Variants in VSTM4 observed in about 807,000 individuals in gnomAD.
The protein encoded by VSTM4 is V-set and transmembrane domain-containing protein 4.
A neutral mutation model predicts 36.4 loss-of-function variants in VSTM4; 20 were observed. That is an observed-to-expected ratio of 0.55 (90% CI 0.39 to 0.80). The LOEUF (loss-of-function observed/expected upper bound fraction) is 0.80, where lower values mean the gene tolerates loss of function less well. Among genes scored for constraint, VSTM4 ranks in the 30% least tolerant of loss-of-function variants. The pLI, the probability that VSTM4 is intolerant of heterozygous loss-of-function variation, is 0.00. For synonymous variants in VSTM4, 182 were observed against 173.9 expected (o/e 1.05, Z -0.37); for missense variants, 392 against 404.5 (o/e 0.97, Z 0.26).
chr10:49,090,545 A>C (rs1844454121), intron 2 of VSTM4, among the ~76,000 whole-genome samples: 1 of 152,132 alleles, frequency 6.6e-6, no homozygotes. Context: ...GGGAGGAGAA[A>C]TGAGACTTCC....
At chr10:49,070,398 T>C (rs1278371655) in intron 4 of VSTM4, among the ~76,000 whole-genome samples, 2 of 144,442 alleles carry the variant, frequency 1.4e-5, no homozygotes, top group African/African-American at 5.4e-5. Flanking sequence ...TTTTACCTTT[T>C]TGAATGTGAC....
In VSTM4 at chr10:49,087,980, TAA is replaced by T. The variant is rs1004121355; in HGVS notation, c.458-1959_458-1958del. 3.2e-4 allele frequency among the ~76,000 whole-genome samples: 42 copies of T among 132,284 alleles called. No homozygotes were observed. In the East Asian group the frequency reaches 8.2e-3, roughly 26 times the overall value. The allele number at this position is 132,284 out of a possible 152,430, so 86.8% of individuals were successfully genotyped here. A position where few individuals can be genotyped will look rare whatever the true frequency, so the allele number is the denominator to read the frequency against. On this transcript the variant is annotated intron_variant, in intron 2 of 7. Transcript: ENST00000332853. ...ATATATATGTGTATATATACATATGTAATATATATGTGTATATACACATGTAA... is the reference window on the plus strand; with the variant it reads ...ATATATATGTGTATATATACATATGTTATATATGTGTATATACACATGTAA...
At chr10:49,095,790 A>G (rs533541053) in intron 2 of VSTM4, among the ~76,000 whole-genome samples, 255 of 149,630 alleles carry the variant, frequency 1.7e-3, no homozygotes, top group African/African-American at 6.1e-3. Flanking sequence ...TAAATCTATA[A>G]CCACATCTAC....
intron 2 of VSTM4, among the ~76,000 whole-genome samples, chr10:49,096,412 A>G (rs191826584): frequency 8.9e-4 from 135 of 152,326 alleles, no homozygotes; most frequent in African/African-American, 3.1e-3. Flanking sequence ...TCAAATAACA[A>G]TTTGGCTTGT....
intron 7 of VSTM4, among the ~76,000 whole-genome samples, chr10:49,045,356 A>T (rs1843591888): frequency 6.6e-6 from 1 of 152,192 alleles, no homozygotes; most frequent in African/African-American, 2.4e-5. Context: ...AAACAAATGA[A>T]AAAAGGGGGC....
intron 3 of VSTM4, 42 bp downstream of exon 3, chr10:49,085,913 G>C (rs1844361977): frequency 7.9e-7 from 1 of 1,264,328 alleles, no homozygotes; most frequent in African/African-American, 1.5e-5. Context: ...AAAAGAAAAA[G>C]CAACTATAGA....
At chr10:49,072,862 C>T (rs779230758) in intron 4 of VSTM4, among the ~76,000 whole-genome samples, 1 of 152,162 alleles carries the variant, frequency 6.6e-6, no homozygotes, top group African/African-American at 2.4e-5. Flanking sequence ...GGTGACACTG[C>T]CAGAAGAACC....
rs1167038105 is a variant in VSTM4, at chr10:49,107,990, A to C, written c.61T>G (p.Cys21Gly). The C allele has an allele frequency of 6.4e-7, 1 of 1,564,650 alleles. No homozygotes were observed. Among genetic ancestry groups the C allele is most frequent in the Non-Finnish European group, 8.7e-7 (1 of 1,152,728 alleles). The change falls in exon 2 of 8, where the codon TGT (cysteine) becomes GGT (glycine). Residue 21 changes from cysteine (C) to glycine (G), a missense_variant. Coordinates refer to ENST00000332853, the MANE Select transcript of VSTM4 (RefSeq NM_001031746.5). Reference protein sequence around the residue: ...LLARAPAPEVCAALNVTVSPG... With the variant: ...LLARAPAPEVGAALNVTVSPG... The stretch of plus-strand genomic sequence containing the variant: ...GACACAGTGACATTGAGGGCCGCAC[A>C]GACCTCTGCAGAGAAAAAGGGGAGA...
chr10:49,043,830 A>G (rs1014004086), intron 7 of VSTM4, among the ~76,000 whole-genome samples: 7 of 152,378 alleles, frequency 4.6e-5, no homozygotes, highest in Admixed American at 3.3e-4. Context: ...CATTTTAACT[A>G]TCCTGGTGGA....
chr10:49,048,803 G>A (rs1490804517), intron 5 of VSTM4, among the ~76,000 whole-genome samples: 4 of 152,226 alleles, frequency 2.6e-5, no homozygotes, highest in East Asian at 1.9e-4. Flanking sequence ...AGAAGGATGA[G>A]TTGAGCCAGT....
At chr10:49,033,282 A>T (rs1215392491) in intron 7 of VSTM4, among the ~76,000 whole-genome samples, 2 of 152,262 alleles carry the variant, frequency 1.3e-5, no homozygotes, top group African/African-American at 4.8e-5. Flanking sequence ...AAAACAATTC[A>T]ACCTGTGAAC....
intron 7 of VSTM4, among the ~76,000 whole-genome samples, chr10:49,024,385 C>T (rs1307782685): frequency 2.6e-5 from 4 of 152,206 alleles, no homozygotes; most frequent in Middle Eastern, 3.4e-3. Context: ...GATACACGCA[C>T]GTATTGATGC....
intron 2 of VSTM4, among the ~76,000 whole-genome samples, chr10:49,098,691 A>T (rs7915307): frequency 0.98 from 149,627 of 152,298 alleles, 73,513 homozygotes; most frequent in East Asian, 1. Context: ...ACCACCAAGG[A>T]CATCTCCAAC....
At chr10:49,091,260 G>A (rs568998592) in intron 2 of VSTM4, among the ~76,000 whole-genome samples, 7 of 152,294 alleles carry the variant, frequency 4.6e-5, no homozygotes, top group East Asian at 3.9e-4. Context: ...GAGAGTTTCC[G>A]GGGAGGCAGT....
At chr10:49,105,275 CAGAG>C (rs1433837471) in intron 2 of VSTM4, among the ~76,000 whole-genome samples, 1 of 94,780 alleles carries the variant, frequency 1.1e-5, no homozygotes, top group East Asian at 3.3e-4. Flanking sequence ...AACAGAGAGA[CAGAG>C]AGAGACGAAG....
chr10:49,101,104 C>T (rs1844657704), intron 2 of VSTM4, among the ~76,000 whole-genome samples: 1 of 152,000 alleles, frequency 6.6e-6, no homozygotes, highest in South Asian at 2.1e-4. Flanking sequence ...CTTTTATAAG[C>T]TTGGGGCAGG....
chr10:49,073,658 C>T lies in VSTM4; in HGVS notation c.634+3561G>A, dbSNP rs1336276959. On this transcript the variant is annotated intron_variant, in intron 4 of 7. Coordinates refer to ENST00000332853, the MANE Select transcript of VSTM4 (RefSeq NM_001031746.5). The stretch of plus-strand genomic sequence containing the variant: ...TGCCCTTCCCCCAACCACAGGACAA[C>T]TTGGAACGCTCAGGGGATGTTCTGA... Among the ~76,000 whole-genome samples, 4 of 152,362 alleles carry T rather than the reference C, an allele frequency of 2.6e-5. No homozygotes were observed. The East Asian group carries it at 7.7e-4, about 29-fold the overall frequency.
intron 2 of VSTM4, among the ~76,000 whole-genome samples, chr10:49,098,932 G>A (rs914522602): frequency 4.6e-5 from 7 of 152,218 alleles, no homozygotes; most frequent in South Asian, 2.1e-4. Flanking sequence ...TTTACCTAGC[G>A]CTGATGGACA....
chr10:49,059,078 T>C (rs867791613), intron 5 of VSTM4, among the ~76,000 whole-genome samples: 4 of 152,210 alleles, frequency 2.6e-5, no homozygotes, highest in South Asian at 2.1e-4. Context: ...AAGGCAAGAA[T>C]TGACCAATTC....
Sources: gnomAD v4.1 joint callset for allele counts (sites outside exome capture counted in the v4.1 genomes callset) on GRCh38, gnomAD v4.1.1 for gene constraint, MANE v1.5 for transcripts, NCBI Gene and HGNC (gene_info 2026-07-23, HGNC 2026-07-21) for gene names.